BBS7: variants seen among roughly 807,000 people sequenced by gnomAD.
BBS7 encodes Bardet-Biedl syndrome 7.
In BBS7, 50 loss-of-function variants were observed where a neutral mutation model predicts 90.3. The observed-to-expected ratio is 0.55, with a 90% CI of 0.44 to 0.70. BBS7 has a LOEUF of 0.70. Ranked by LOEUF, BBS7 falls within the 30% of genes least tolerant of loss-of-function variation. BBS7 has a pLI of 0.00. For synonymous variants in BBS7, 235 were observed against 287.4 expected (o/e 0.82, Z 1.85); for missense variants, 729 against 838.9 (o/e 0.87, Z 1.62).
At chr4:121,860,199 T>C (rs1394225246) in intron 4 of BBS7, among the ~76,000 whole-genome samples, 1 of 152,116 alleles carries the variant, frequency 6.6e-6, no homozygotes, top group African/African-American at 2.4e-5. Flanking sequence ...AAATTCTCTA[T>C]GTTTTTCAAA....
At chr4:121,870,246 A>C (rs1727511975) in intron 1 of BBS7, 32 bp downstream of exon 1, 11 of 1,613,550 alleles carry the variant, frequency 6.8e-6, no homozygotes, top group Non-Finnish European at 5.9e-6. Flanking sequence ...GGGCTTGCCC[A>C]GCGCGGCGCC....
At position 121,870,451 on chromosome 4, in the gene BBS7, G is replaced by A. The variant is rs1727529631; in HGVS notation, c.-138C>T. Reference sequence around the variant, plus strand: ...GCCCCAGCTACCGCGCCTAGGTCCTGGGCTGCACAGGCGGGGCGACAGGGC... The same window carrying A: ...GCCCCAGCTACCGCGCCTAGGTCCTAGGCTGCACAGGCGGGGCGACAGGGC... On this transcript the variant is annotated 5_prime_UTR_variant, in exon 1 of 19. Transcript: ENST00000264499. 3.3e-6 allele frequency: 3 copies of A among 897,212 alleles called. No individual in the cohort carries two copies. Among genetic ancestry groups the A allele is most frequent in the Non-Finnish European group, 5.4e-6 (3 of 552,250 alleles). 55.6% of individuals were successfully genotyped at this position (897,212 alleles called of 1,614,324 possible). A position where few individuals can be genotyped will look rare whatever the true frequency, so the allele number is the denominator to read the frequency against.
At chr4:121,844,227 T>C (rs566150299) in intron 11 of BBS7, among the ~76,000 whole-genome samples, 21 of 152,328 alleles carry the variant, frequency 1.4e-4, no homozygotes, top group Admixed American at 4.6e-4. Flanking sequence ...ACTTGGATTA[T>C]AAAAATCACA....
chr4:121,855,338 A>C, intron 6 of BBS7, 151 bp downstream of exon 6: 3 of 737,896 alleles, frequency 4.1e-6, no homozygotes, highest in Non-Finnish European at 7.0e-6. Context: ...AAAACGGAGA[A>C]TTAAAAGTTC....
Position 121,870,422 on chromosome 4 carries a change from G to T in BBS7, c.-109C>A. On this transcript the variant is annotated 5_prime_UTR_variant, in exon 1 of 19. Transcript: ENST00000264499. ...AGAAGGCTGCCCGCGCCCCTCAAAA[G>T]CCAGCCCCAGCTACCGCGCCTAGGT... The T allele has an allele frequency of 1.5e-6, 2 of 1,290,824 alleles. No homozygotes were observed. The highest frequency in any genetic ancestry group is 2.2e-6 in the Non-Finnish European group (2 of 899,250). The allele number at this position is 1,290,824 out of a possible 1,614,324, so 80.0% of individuals were successfully genotyped here.
rs572178327 is a variant in BBS7 at position 121,870,249 on chromosome 4, G to T, written c.36+29C>A. On this transcript the variant is annotated intron_variant, in intron 1 of 18. Transcript: ENST00000264499. ...TCTCCGGGTGCTGGGCTTGCCCAGC[G>T]CGGCGCCCGCCCTATCCCTTGGGTT... 3.1e-6 allele frequency: 5 copies of T among 1,613,726 alleles called. No individual in the cohort carries two copies. In the South Asian group the frequency reaches 5.5e-5, roughly 18 times the overall value.
intron 5 of BBS7, 121 bp from the exon 6 acceptor site, chr4:121,855,682 A>T (rs1726572668): frequency 1.1e-6 from 1 of 935,302 alleles, no homozygotes; most frequent in East Asian, 2.6e-5. Flanking sequence ...AAATTGCTTT[A>T]AAAATTAGGT....
chr4:121,827,340 G>GA (rs1453927359), intron 18 of BBS7, among the ~76,000 whole-genome samples: 2 of 152,174 alleles, frequency 1.3e-5, no homozygotes, highest in African/African-American at 4.8e-5. Context: ...AGTGACTATG[G>GA]AAGGCTTGGC....
intron 2 of BBS7, among the ~76,000 whole-genome samples, chr4:121,865,086 A>G (rs2149091158): frequency 6.6e-6 from 1 of 152,054 alleles, no homozygotes; most frequent in East Asian, 1.9e-4. Context: ...TCTCTGTCCT[A>G]CTTTTTACTT....
Position 121,843,982 on chromosome 4 carries a change from A to G in BBS7, c.1250T>C (p.Leu417Ser). 1 of 1,599,436 alleles carries G rather than the reference A, an allele frequency of 6.3e-7. No homozygotes were observed. The highest frequency in any genetic ancestry group is 8.5e-7 in the Non-Finnish European group (1 of 1,170,060). Residue 417 changes from leucine (L) to serine (S), a missense_variant, in exon 12 of 19, where the codon TTA (leucine) becomes TCA (serine). By Grantham distance (145) the Leu-to-Ser change is moderately radical. Coordinates refer to ENST00000264499, the MANE Select transcript of BBS7 (RefSeq NM_176824.3). ...AGCAGAATTTTTATCCACATCAAGT[A>G]AATCTATTGGAACATCACTCTATAG... ...VLIQSDVPID[L>S]LDVDKNSAVV...
At chr4:121,853,616 T>C (rs565858905) in intron 7 of BBS7, among the ~76,000 whole-genome samples, 1 of 152,162 alleles carries the variant, frequency 6.6e-6, no homozygotes, top group East Asian at 1.9e-4. Flanking sequence ...CAGCTACTGA[T>C]AGCCTAGACT....
intron 3 of BBS7, among the ~76,000 whole-genome samples, chr4:121,862,842 T>A (rs553244480): frequency 2.0e-5 from 3 of 152,316 alleles, no homozygotes; most frequent in Middle Eastern, 3.4e-3. Context: ...GAGCTTGGAA[T>A]AAGACCCCAC....
At chr4:121,848,296 GT>G (rs371558948) in intron 9 of BBS7, among the ~76,000 whole-genome samples, 91 of 152,244 alleles carry the variant, frequency 6.0e-4, no homozygotes, top group Non-Finnish European at 1.1e-3. Flanking sequence ...TAAGTCCTAA[GT>G]TTTAAATTGT....
chr4:121,859,319 T>C, intron 4 of BBS7, 141 bp from the exon 5 acceptor site: 1 of 787,272 alleles, frequency 1.3e-6, no homozygotes, highest in South Asian at 1.7e-5. Flanking sequence ...TTTCTCCTAG[T>C]TAATTCCTAG....
At position 121,870,260 on chromosome 4, in the gene BBS7, C is replaced by CCT. The variant is rs1221524008; in HGVS notation, c.36+16_36+17dup. ...TGGGCTTGCCCAGCGCGGCGCCCGC[C>CCT]CTATCCCTTGGGTTTACCTGCAGAT... On this transcript the variant is annotated intron_variant, in intron 1 of 18. Coordinates refer to ENST00000264499, the MANE Select transcript of BBS7 (RefSeq NM_176824.3). 6.2e-7 allele frequency: 1 copy of CCT among 1,614,108 alleles called. No individual in the cohort carries two copies.
chr4:121,835,493 A>G (rs900013256), intron 13 of BBS7, among the ~76,000 whole-genome samples: 3 of 152,176 alleles, frequency 2.0e-5, no homozygotes, highest in Non-Finnish European at 4.4e-5. Flanking sequence ...TACTACACAA[A>G]GGTAACTTCT....
intron 12 of BBS7, among the ~76,000 whole-genome samples, chr4:121,842,481 A>G (rs1428852115): frequency 1.3e-5 from 2 of 151,330 alleles, no homozygotes; most frequent in Non-Finnish European, 2.9e-5. Context: ...CAAAAAATTT[A>G]AAAATCAGCC....
chr4:121,855,303 G>T, intron 6 of BBS7, 186 bp downstream of exon 6: 1 of 566,694 alleles, frequency 1.8e-6, no homozygotes, highest in Non-Finnish European at 3.2e-6. Flanking sequence ...GTGAGACCCT[G>T]CCCCCCAGCC....
chr4:121,844,347 T>C (rs1578544286), intron 11 of BBS7, among the ~76,000 whole-genome samples: 1 of 152,274 alleles, frequency 6.6e-6, no homozygotes, highest in Non-Finnish European at 1.5e-5. Flanking sequence ...ATTCTGATTG[T>C]ATCAGTTCAT....
Sources: gnomAD v4.1 joint callset for allele counts (sites outside exome capture counted in the v4.1 genomes callset) on GRCh38, gnomAD v4.1.1 for gene constraint, MANE v1.5 for transcripts, NCBI Gene and HGNC (gene_info 2026-07-23, HGNC 2026-07-21) for gene names.